ADAMTS18: variants seen among roughly 807,000 people sequenced by gnomAD.
ADAMTS18 encodes A disintegrin and metalloproteinase with thrombospondin motifs 18.
Under a neutral mutation model 165.9 loss-of-function variants are expected in ADAMTS18, and 157 were observed. The ratio of observed to expected loss-of-function variants is 0.95; its 90% CI spans 0.83 to 1.08. The LOEUF (loss-of-function observed/expected upper bound fraction) is 1.08. Ranked by LOEUF, ADAMTS18 falls within the 50% of genes least tolerant of loss-of-function variation. The probability of loss-of-function intolerance (pLI) is 0.00; values close to 1 mark genes in which losing one functional copy is unlikely to be tolerated. For synonymous variants in ADAMTS18, 782 were observed against 578.2 expected, an observed-to-expected ratio of 1.35 and a Z score of -5.06; for missense variants, 2,040 against 1,534.0, an observed-to-expected ratio of 1.33 and a Z score of -5.51.
chr16:77,377,173 T>C (rs2056966177), intron 3 of ADAMTS18, among the ~76,000 whole-genome samples: 1 of 152,226 alleles, frequency 6.6e-6, no homozygotes, highest in African/African-American at 2.4e-5. Context: ...ACTTTATGAA[T>C]TTTCCCTAAA....
Position 77,363,861 on chromosome 16 carries a change from T to A in ADAMTS18, c.997A>T (p.Thr333Ser). 1 of 1,614,020 alleles carries A rather than the reference T, an allele frequency of 6.2e-7. No homozygotes were observed. Among genetic ancestry groups the A allele is most frequent in the Non-Finnish European group, 8.5e-7 (1 of 1,179,980 alleles). ...ACCACGTTTATGTCACTTCCAATAG[T>A]CCCATCTTTAAATAGGCCAGAAACC... The part of the protein sequence containing the change: ...NMVSGLFKDG[T>S]IGSDINVVVV... Residue 333 changes from threonine (T) to serine (S), a missense_variant, in exon 6 of 23, where the codon ACT becomes TCT. By Grantham distance (58) the Thr-to-Ser change is moderately conservative (BLOSUM62 1). Coordinates refer to ENST00000282849, the MANE Select transcript of ADAMTS18 (RefSeq NM_199355.4).
intron 17 of ADAMTS18, 143 bp downstream of exon 17, chr16:77,300,120 A>T (rs372349001): frequency 1.8e-5 from 17 of 953,466 alleles, no homozygotes; most frequent in Non-Finnish European, 2.6e-5. Context: ...TAATGCCATA[A>T]TATTTGCTTT....
intron 10 of ADAMTS18, among the ~76,000 whole-genome samples, chr16:77,343,138 T>A (rs919960197): frequency 1.3e-5 from 2 of 150,818 alleles, no homozygotes; most frequent in Admixed American, 1.3e-4. Context: ...AATGGCACCA[T>A]CTCGGCTCAC....
intron 10 of ADAMTS18, among the ~76,000 whole-genome samples, chr16:77,342,110 G>A (rs770536728): frequency 3.3e-5 from 5 of 152,162 alleles, no homozygotes; most frequent in South Asian, 4.1e-4. Flanking sequence ...GATGATAACC[G>A]TCGTAGCAGA....
chr16:77,408,378 T>C (rs544879371), intron 3 of ADAMTS18, among the ~76,000 whole-genome samples: 1 of 152,062 alleles, frequency 6.6e-6, no homozygotes, highest in Non-Finnish European at 1.5e-5. Context: ...ATGAGTACAT[T>C]TGAACCATAA....
chr16:77,415,417 A>G (rs1266462117), intron 3 of ADAMTS18, among the ~76,000 whole-genome samples: 2 of 152,236 alleles, frequency 1.3e-5, no homozygotes, highest in African/African-American at 2.4e-5. Context: ...GCATAGCTGC[A>G]TATCACCACT....
intron 11 of ADAMTS18, among the ~76,000 whole-genome samples, chr16:77,338,710 T>C (rs1290225254): frequency 3.3e-5 from 5 of 151,708 alleles, no homozygotes; most frequent in African/African-American, 1.2e-4. Context: ...TCCCAGCACT[T>C]TGGGAGGCCA....
In ADAMTS18 at chr16:77,394,895, C is replaced by T. The variant is rs78633302; in HGVS notation, c.496-27172G>A. On this transcript the variant is annotated intron_variant, in intron 3 of 22. Transcript: ENST00000282849. ...TGGGCCATCCTCACTCTTGAGTGCA[C>T]AGCAAAACTGCAAGACAACATGACC... Among the ~76,000 whole-genome samples, 19 of 152,300 alleles carry T rather than the reference C, an allele frequency of 1.2e-4. No homozygotes were observed. The East Asian group carries it at 3.3e-3, about 26-fold the overall frequency.
intron 6 of ADAMTS18, 104 bp from the exon 7 acceptor site, chr16:77,362,368 A>C: frequency 1.6e-6 from 2 of 1,287,078 alleles, no homozygotes; most frequent in Non-Finnish European, 2.2e-6. Flanking sequence ...TTCTAGGGAA[A>C]AAGATCAGTA....
intron 3 of ADAMTS18, among the ~76,000 whole-genome samples, chr16:77,403,100 A>G (rs185829336): frequency 1.4e-3 from 206 of 152,342 alleles, no homozygotes; most frequent in African/African-American, 4.5e-3. Context: ...CATACTCACT[A>G]TAACGATGTG....
intron 22 of ADAMTS18, among the ~76,000 whole-genome samples, chr16:77,285,358 A>AGAT (rs1296263662): frequency 1.3e-5 from 2 of 151,712 alleles, no homozygotes; most frequent in Non-Finnish European, 2.9e-5. Flanking sequence ...TTTTTAGTAG[A>AGAT]GATGGGGTTT....
chr16:77,376,133 T>C lies in ADAMTS18; in HGVS notation c.496-8410A>G, dbSNP rs188452015. Among the ~76,000 whole-genome samples, 1,121 of 152,014 alleles carry C rather than the reference T, an allele frequency of 7.4e-3. 13 individuals carry two copies. Among genetic ancestry groups the C allele is most frequent in the Non-Finnish European group, 0.011 (757 of 67,958 alleles). ...GATCCGGCTGGTCTTGAACTCCCGA[T>C]CTCAGGTGATCCACCCGCCTCAGAC... On this transcript the variant is annotated intron_variant, in intron 3 of 22. Transcript: ENST00000282849.
intron 3 of ADAMTS18, among the ~76,000 whole-genome samples, chr16:77,431,003 C>T (rs780456955): frequency 9.2e-5 from 14 of 152,160 alleles, no homozygotes; most frequent in Admixed American, 4.6e-4. Context: ...CATTACAAAG[C>T]GAATGGCATC....
chr16:77,422,761 T>C (rs1355930356), intron 3 of ADAMTS18, among the ~76,000 whole-genome samples: 1 of 152,204 alleles, frequency 6.6e-6, no homozygotes, highest in African/African-American at 2.4e-5. Context: ...TTCTACTTAC[T>C]ACTGAAAGTC....
At position 77,434,597 on chromosome 16, in the gene ADAMTS18, G is replaced by C. The variant is rs1597272248; in HGVS notation, c.90+9C>G. ...ACCCGCTCTCGGAGCTCCGCTCGGC[G>C]GCACCTGCCTTGGCCACGCGCCCCA... On this transcript the variant is annotated intron_variant, in intron 1 of 22. Coordinates refer to ENST00000282849, the MANE Select transcript of ADAMTS18 (RefSeq NM_199355.4). 2 of 1,526,606 alleles carry C rather than the reference G, an allele frequency of 1.3e-6. No individual in the cohort carries two copies. The highest frequency in any genetic ancestry group is 8.8e-7 in the Non-Finnish European group (1 of 1,142,098). 94.6% of individuals were successfully genotyped at this position (1,526,606 alleles called of 1,614,324 possible). A position where few individuals can be genotyped will look rare whatever the true frequency, so the allele number is the denominator to read the frequency against.
chr16:77,384,827 T>A (rs1359370116), intron 3 of ADAMTS18, among the ~76,000 whole-genome samples: 7 of 104,784 alleles, frequency 6.7e-5, no homozygotes, highest in African/African-American at 2.6e-4. Flanking sequence ...TGCTTCAGAT[T>A]TTTTTAAAAA....
intron 3 of ADAMTS18, among the ~76,000 whole-genome samples, chr16:77,400,101 C>A (rs1489930672): frequency 6.6e-6 from 1 of 152,124 alleles, no homozygotes; most frequent in Non-Finnish European, 1.5e-5. Context: ...GAATCTCTGA[C>A]CCTGCATACT....
chr16:77,417,663 T>C (rs1597250197), intron 3 of ADAMTS18, among the ~76,000 whole-genome samples: 1 of 152,360 alleles, frequency 6.6e-6, no homozygotes, highest in East Asian at 1.9e-4. Context: ...AAAGTGTAAG[T>C]GGCATATGTA....
At chr16:77,408,684 A>G (rs1419928859) in intron 3 of ADAMTS18, among the ~76,000 whole-genome samples, 1 of 152,196 alleles carries the variant, frequency 6.6e-6, no homozygotes, top group Non-Finnish European at 1.5e-5. Flanking sequence ...CATGGTAGCA[A>G]TTATGTCTGT....
Sources: gnomAD v4.1 joint callset for allele counts (sites outside exome capture counted in the v4.1 genomes callset) on GRCh38, gnomAD v4.1.1 for gene constraint, MANE v1.5 for transcripts, NCBI Gene and HGNC (gene_info 2026-07-23, HGNC 2026-07-21) for gene names.